The following KLF17 variants were observed in gnomAD, a reference collection of about 807,000 sequenced individuals.
KLF17 encodes KLF transcription factor 17, also known as Krueppel-like factor 17.
KLF17 carries 31 observed loss-of-function variants against 34.2 expected under a neutral mutation model. The observed-to-expected ratio is 0.91, with a 90% confidence interval of 0.68 to 1.22. KLF17 has a LOEUF of 1.22. KLF17 is among the 50% of genes most tolerant of loss of function. KLF17 has a pLI of 0.00. For synonymous variants in KLF17, 179 were observed against 186.7 expected (o/e 0.96, Z 0.34); for missense variants, 478 against 505.2 (o/e 0.95, Z 0.52).
At chr1:44,065,577 T>C in the KLF17 span, among the ~76,000 whole-genome samples, 1 of 151,726 alleles carries the variant, frequency 6.6e-6, no homozygotes, top group Non-Finnish European at 1.5e-5. Context: ...GCCAGGCTAA[T>C]TTTTGTATTT....
In KLF17 at chr1:44,128,751, G is replaced by T. The variant is rs374844268; in HGVS notation, c.82-602G>T. On this transcript the variant is annotated intron_variant, in intron 1 of 3. Transcript: ENST00000372299. ...GTTTGGGCCAGGCGCGGTGGCTCAC[G>T]CCTGTAATCCCAGCACTTTGGGAGG... 1.1e-4 allele frequency among the ~76,000 whole-genome samples: 16 copies of T among 152,224 alleles called. 2 individuals are homozygous for T. Among genetic ancestry groups the T allele is most frequent in the African/African-American group, 3.9e-4 (16 of 41,538 alleles).
chr1:44,087,711 C>A, the KLF17 span, among the ~76,000 whole-genome samples: 1 of 131,652 alleles, frequency 7.6e-6, no homozygotes, highest in Admixed American at 8.2e-5. Context: ...TCTGGTGCCT[C>A]TTCCTATATA....
the KLF17 span, among the ~76,000 whole-genome samples, chr1:44,091,604 C>T: frequency 9.0e-5 from 11 of 122,400 alleles, no homozygotes; most frequent in East Asian, 1.4e-3. Flanking sequence ...TGCAGTGAGA[C>T]GAGATCGTGC....
the KLF17 span, among the ~76,000 whole-genome samples, chr1:44,097,734 A>G: frequency 2.6e-5 from 4 of 152,162 alleles, no homozygotes; most frequent in African/African-American, 4.8e-5. Flanking sequence ...CCTTTTCAGT[A>G]TGATACTGGC....
At chr1:44,074,410 G>T in the KLF17 span, among the ~76,000 whole-genome samples, 1 of 152,022 alleles carries the variant, frequency 6.6e-6, no homozygotes, top group African/African-American at 2.4e-5. Context: ...CCAATGCCGT[G>T]TCTGTTCCAC....
the KLF17 span, among the ~76,000 whole-genome samples, chr1:44,080,130 T>G: frequency 6.6e-6 from 1 of 152,014 alleles, no homozygotes; most frequent in African/African-American, 2.4e-5. Flanking sequence ...GATTTCACCA[T>G]GTTGGCCAGG....
At chr1:44,083,793 C>CCAA in the KLF17 span, among the ~76,000 whole-genome samples, 24 of 104,260 alleles carry the variant, frequency 2.3e-4, no homozygotes, top group African/African-American at 8.8e-4. Flanking sequence ...GACTCTGTCT[C>CCAA]AAAAAAAAAA....
chr1:44,098,479 AT>A, the KLF17 span, among the ~76,000 whole-genome samples: 7 of 65,200 alleles, frequency 1.1e-4, no homozygotes, highest in South Asian at 1.7e-3. Context: ...CTTTATTATT[AT>A]TTTTTTTAAA....
rs2088080578 is a variant in KLF17, at chr1:44,129,715, T to C, written c.444T>C (p.Gly148=). The change falls in exon 2 of 4, where the codon GGT becomes GGC. Residue 148 remains glycine, a synonymous_variant. Coordinates refer to ENST00000372299, the MANE Select transcript of KLF17 (RefSeq NM_173484.4). ...TTCCAAGGGTAGCCAGGCCCTTCGG[T>C]GGGAATCTAAGGATGCCCCCCAATG... ...PNIPRVARPF[G]GNLRMPPNGL... is the part of the protein sequence containing the mutation. 14 of 1,614,136 alleles carry C rather than the reference T, an allele frequency of 8.7e-6. No homozygotes were observed. The highest frequency in any genetic ancestry group is 1.2e-5 in the Non-Finnish European group (14 of 1,180,016).
Position 44,123,814 on chromosome 1 carries a change from AC to A in KLF17, c.81+4829del, listed in dbSNP as rs200704253. On this transcript the variant is annotated intron_variant, in intron 1 of 3. Transcript: ENST00000372299. ...ATTTTCATTGTGATTTTTTTATTTG[AC>A]CCATTGATTGTTTCAGAGAGTGCTA... is the stretch of plus-strand genomic sequence containing the variant. Among the ~76,000 whole-genome samples, 882 of 151,392 alleles carry A rather than the reference AC, an allele frequency of 5.8e-3. 3 individuals carry two copies. The highest frequency in any genetic ancestry group is 9.1e-3 in the Non-Finnish European group (616 of 67,860).
the KLF17 span, among the ~76,000 whole-genome samples, chr1:44,095,388 T>G: frequency 1.3e-5 from 2 of 151,852 alleles, no homozygotes; most frequent in Non-Finnish European, 2.9e-5. Context: ...GCTAATTTTG[T>G]ATTTTTAGTA....
the KLF17 span, among the ~76,000 whole-genome samples, chr1:44,083,773 G>A: frequency 7.8e-6 from 1 of 127,900 alleles, no homozygotes; most frequent in Non-Finnish European, 1.6e-5. Flanking sequence ...CAGCTTGGGA[G>A]ACACAGCGAG....
chr1:44,044,594 G>A, the KLF17 span: 3 of 152,268 alleles, frequency 2.0e-5, no homozygotes, highest in African/African-American at 7.2e-5. Flanking sequence ...CAGAGGTCAG[G>A]GATGCTGTTC....
chr1:44,094,907 C>CTT, the KLF17 span, among the ~76,000 whole-genome samples: 3,339 of 140,962 alleles, frequency 0.024, 50 homozygotes, highest in South Asian at 0.042. Flanking sequence ...TTATTTATAT[C>CTT]TTTTTTTTTT....
chr1:44,056,542 A>G, the KLF17 span, among the ~76,000 whole-genome samples: 2 of 152,232 alleles, frequency 1.3e-5, no homozygotes, highest in Non-Finnish European at 2.9e-5. Context: ...GAACCTGCTA[A>G]CAGGCATTCT....
intron 3 of KLF17, 138 bp downstream of exon 3, chr1:44,130,894 C>T: frequency 2.5e-6 from 2 of 806,666 alleles, no homozygotes; most frequent in Non-Finnish European, 3.8e-6. Flanking sequence ...CTCCCAGGTT[C>T]AAGTGATTTT....
At chr1:44,081,560 T>C in the KLF17 span, among the ~76,000 whole-genome samples, 11 of 151,862 alleles carry the variant, frequency 7.2e-5, no homozygotes, top group Non-Finnish European at 2.9e-5. Flanking sequence ...GAACTACAGG[T>C]GCCCACCCCC....
chr1:44,112,308 T>C, the KLF17 span, among the ~76,000 whole-genome samples: 1 of 152,226 alleles, frequency 6.6e-6, no homozygotes, highest in Non-Finnish European at 1.5e-5. Flanking sequence ...TCTGACTTTT[T>C]CTTCTAGCCT....
the KLF17 span, among the ~76,000 whole-genome samples, chr1:44,069,512 G>GAGAGAGAGAGAGAGAGAGA: frequency 1.1e-4 from 13 of 114,628 alleles, no homozygotes; most frequent in African/African-American, 2.8e-4. The surrounding 1 kb of genome is among the most constrained non-coding windows in gnomAD (Gnocchi z 4.7). Context: ...GAGAGAGAGA[G>GAGAGAGAGAGAGAGAGAGA]AAGACAGGAG....
Sources: gnomAD v4.1 joint callset for allele counts (sites outside exome capture counted in the v4.1 genomes callset) on GRCh38, gnomAD v4.1.1 for gene constraint, Gnocchi (gnomAD v3.1) non-coding constraint, MANE v1.5 for transcripts, NCBI Gene and HGNC (gene_info 2026-07-23, HGNC 2026-07-21) for gene names.